Variants in UBAC2 observed in about 807,000 individuals in gnomAD.
UBAC2 encodes ubiquitin-associated domain-containing protein 2.
In UBAC2, 26 loss-of-function variants were observed where a neutral mutation model predicts 44.0. The observed-to-expected ratio is 0.59, with a 90% CI of 0.43 to 0.82. The LOEUF (loss-of-function observed/expected upper bound fraction) is 0.82, where lower values mean the gene tolerates loss of function less well. Ranked by LOEUF, UBAC2 falls within the 40% of genes least tolerant of loss-of-function variation. The pLI is 0.00. For missense variants in UBAC2, 329 were observed against 419.4 expected (o/e 0.78, Z 1.88); for synonymous variants, 155 against 154.3 (o/e 1.00, Z -0.04).
intron 4 of UBAC2, among the ~76,000 whole-genome samples, chr13:99,282,650 G>C (rs189831309): frequency 1.2e-4 from 18 of 152,320 alleles, no homozygotes; most frequent in Admixed American, 1.2e-3. Flanking sequence ...GTAACAGACA[G>C]CAAAGGAGAT....
chr13:99,244,477 A>T, intron 3 of UBAC2, 38 bp from the exon 4 acceptor site: 1,951 of 993,426 alleles, frequency 2.0e-3, no homozygotes, highest in Non-Finnish European at 2.8e-3. Flanking sequence ...TTTTTAGGAG[A>T]CTCATCTCTA....
chr13:99,370,998 G>A (rs1224637801), intron 8 of UBAC2, among the ~76,000 whole-genome samples: 2 of 152,170 alleles, frequency 1.3e-5, no homozygotes, highest in East Asian at 3.8e-4. Context: ...TTATGTTACT[G>A]TTTACTTGAT....
intron 8 of UBAC2, among the ~76,000 whole-genome samples, chr13:99,376,102 G>A (rs2045477192): frequency 6.6e-6 from 1 of 151,882 alleles, no homozygotes. Context: ...TAAGGAAAGA[G>A]AAACTGGTAC....
At chr13:99,251,247 A>T (rs191242964) in intron 4 of UBAC2, among the ~76,000 whole-genome samples, 89 of 152,290 alleles carry the variant, frequency 5.8e-4, no homozygotes, top group Admixed American at 1.6e-3. Flanking sequence ...ACTCTAGTGA[A>T]GTTGTTTCTC....
At chr13:99,243,233 CTTTTT>C (rs773750160) in intron 2 of UBAC2, among the ~76,000 whole-genome samples, 6 of 94,254 alleles carry the variant, frequency 6.4e-5, no homozygotes, top group East Asian at 3.2e-4. Flanking sequence ...TTGAGTAGCT[CTTTTT>C]TTTTTTTTTT....
intron 6 of UBAC2, among the ~76,000 whole-genome samples, chr13:99,335,292 C>T (rs569935340): frequency 8.6e-5 from 13 of 151,924 alleles, no homozygotes; most frequent in African/African-American, 3.1e-4. Context: ...GCTGAATCAG[C>T]GTAATGCTGA....
chr13:99,229,736 T>C (rs931794675), intron 1 of UBAC2, among the ~76,000 whole-genome samples: 1 of 152,252 alleles, frequency 6.6e-6, no homozygotes, highest in Non-Finnish European at 1.5e-5. Context: ...TTTAAAAATC[T>C]TCGTTGAAAG....
intron 4 of UBAC2, among the ~76,000 whole-genome samples, chr13:99,271,361 C>T (rs1256259169): frequency 6.6e-6 from 1 of 152,142 alleles, no homozygotes; most frequent in African/African-American, 2.4e-5. Context: ...ATATCAGAGA[C>T]TGCCAGTGCC....
At chr13:99,223,412 G>T (rs7320298) in intron 1 of UBAC2, among the ~76,000 whole-genome samples, 33,809 of 151,664 alleles carry the variant, frequency 0.22, 4,019 homozygotes, top group South Asian at 0.37. Context: ...TTGATCTCAA[G>T]AACCAGCTTT....
chr13:99,266,635 A>G (rs1192202389), intron 4 of UBAC2, among the ~76,000 whole-genome samples: 2 of 152,202 alleles, frequency 1.3e-5, no homozygotes, highest in Admixed American at 1.3e-4. Flanking sequence ...CTGATATTAT[A>G]CTAAGATATT....
At chr13:99,277,787 G>C (rs2043903279) in intron 4 of UBAC2, among the ~76,000 whole-genome samples, 1 of 151,078 alleles carries the variant, frequency 6.6e-6, no homozygotes, top group Non-Finnish European at 1.5e-5. Flanking sequence ...GAGTATTTCA[G>C]GCACTCTTGC....
chr13:99,354,640 A>G (rs2045148690), intron 7 of UBAC2, among the ~76,000 whole-genome samples: 1 of 151,712 alleles, frequency 6.6e-6, no homozygotes, highest in Non-Finnish European at 1.5e-5. Flanking sequence ...TTGAGCCGAC[A>G]TAGTAATTTA....
chr13:99,385,051 T>C (rs1294900768), intron 8 of UBAC2, among the ~76,000 whole-genome samples, 177 bp from the exon 9 acceptor site: 3 of 152,198 alleles, frequency 2.0e-5, no homozygotes, highest in South Asian at 2.1e-4. Flanking sequence ...ATAGTGAACA[T>C]TGAAAAATTT....
chr13:99,241,073 G>A (rs1182813056), intron 2 of UBAC2, among the ~76,000 whole-genome samples: 1 of 151,928 alleles, frequency 6.6e-6, no homozygotes, highest in Admixed American at 6.6e-5. Context: ...AGACCAGCCT[G>A]GGCAACATGG....
intron 1 of UBAC2, among the ~76,000 whole-genome samples, chr13:99,206,161 G>A (rs1393128156): frequency 6.6e-6 from 1 of 152,162 alleles, no homozygotes; most frequent in African/African-American, 2.4e-5. Context: ...AGTGTTGAGG[G>A]GTTTGCAGAG....
intron 1 of UBAC2, among the ~76,000 whole-genome samples, chr13:99,233,357 C>T (rs1041341884): frequency 6.6e-6 from 1 of 152,132 alleles, no homozygotes; most frequent in African/African-American, 2.4e-5. Context: ...ATGATCTGCT[C>T]TCCTCGGTCT....
chr13:99,368,748 G>A (rs551093173), intron 8 of UBAC2, among the ~76,000 whole-genome samples: 4 of 148,522 alleles, frequency 2.7e-5, no homozygotes, highest in African/African-American at 5.0e-5. Context: ...CACTCTGACC[G>A]AGAGGGCTCA....
intron 4 of UBAC2, among the ~76,000 whole-genome samples, chr13:99,275,507 A>G (rs537629853): frequency 1.6e-4 from 25 of 152,252 alleles, no homozygotes; most frequent in Non-Finnish European, 3.1e-4. Flanking sequence ...AAAAATATTT[A>G]TAACCTATTT....
At chr13:99,220,293 T>G (rs113931258) in intron 1 of UBAC2, among the ~76,000 whole-genome samples, 2,256 of 152,346 alleles carry the variant, frequency 0.015, 59 homozygotes, top group African/African-American at 0.052. Flanking sequence ...TTAGCCTTTC[T>G]TAGTTTATTT....
Sources: allele counts gnomAD v4.1 joint callset (sites outside exome capture counted in the v4.1 genomes callset), GRCh38; gene constraint gnomAD v4.1.1; transcripts MANE v1.5; gene names NCBI Gene and HGNC (gene_info 2026-07-23, HGNC 2026-07-21).